The following CAPN11 variants were observed in gnomAD, a reference collection of about 807,000 sequenced individuals.
CAPN11 encodes the protein calpain 11.
In CAPN11, 108 loss-of-function variants were observed where a neutral mutation model predicts 105.3. The observed-to-expected ratio is 1.03, with a 90% confidence interval of 0.88 to 1.20. CAPN11 has a LOEUF of 1.20. Ranked by LOEUF, CAPN11 falls within the 50% of genes most tolerant of loss-of-function variation. The pLI is 0.00. For missense variants in CAPN11, 883 were observed against 924.8 expected (o/e 0.95, Z 0.59); for synonymous variants, 329 against 344.5 (o/e 0.96, Z 0.50).
At position 44,176,158 on chromosome 6, in the gene CAPN11, C is replaced by G; in HGVS notation, c.915+7C>G. On this transcript the variant is annotated splice_region_variant and intron_variant, in intron 8 of 22. Coordinates refer to ENST00000398776, the MANE Select transcript of CAPN11 (RefSeq NM_007058.4). ...TGTGACTGGCCTTCAGGATGTGAGT[C>G]CTGAGAAATGCGCCCTACCCTGAGG... The G allele has an allele frequency of 6.5e-7, 1 of 1,545,046 alleles. No homozygotes were observed. The highest frequency in any genetic ancestry group is 2.3e-5 in the East Asian group (1 of 43,346).
chr6:44,183,343 C>T, intron 21 of CAPN11, 108 bp downstream of exon 21: 1 of 735,818 alleles, frequency 1.4e-6, no homozygotes, highest in East Asian at 2.5e-5. Context: ...CCTTACAAGG[C>T]ACACATGAAA....
intron 10 of CAPN11, 45 bp from the exon 11 acceptor site, chr6:44,176,793 G>A: frequency 1.2e-6 from 2 of 1,608,704 alleles, no homozygotes; most frequent in South Asian, 1.1e-5. Flanking sequence ...GGGAACTGAG[G>A]ATGCAAGTGT....
At chr6:44,176,449 C>T in intron 9 of CAPN11, 111 bp downstream of exon 9, 2 of 1,288,778 alleles carry the variant, frequency 1.6e-6, no homozygotes, top group South Asian at 1.2e-5. Context: ...GGGCAAAGCT[C>T]CTCCCTCTAG....
chr6:44,170,985 G>C (rs181337886), intron 4 of CAPN11, among the ~76,000 whole-genome samples: 1 of 152,288 alleles, frequency 6.6e-6, no homozygotes, highest in African/African-American at 2.4e-5. Context: ...GGTGTGGGCA[G>C]AGCAGAGGCC....
chr6:44,179,699 T>C, intron 13 of CAPN11, 69 bp downstream of exon 13: 1 of 1,532,212 alleles, frequency 6.5e-7, no homozygotes, highest in Non-Finnish European at 9.0e-7. Context: ...TGCAAGTGGA[T>C]TGGCAAAGGG....
At position 44,176,650 on chromosome 6, in the gene CAPN11, G is replaced by A; in HGVS notation, c.1071G>A (p.Glu357=). 1 of 1,600,172 alleles carries A rather than the reference G, an allele frequency of 6.2e-7. No homozygotes were observed. The highest frequency in any genetic ancestry group is 8.5e-7 in the Non-Finnish European group (1 of 1,171,610). The change falls in exon 10 of 23, where the codon GAG becomes GAA. Residue 357 remains glutamate, a synonymous_variant. Transcript: ENST00000398776. ...MQLLHKTEDG[E]FWMSYQDFLN... ...TGCTGCACAAGACGGAGGACGGGGA[G>A]TTCTGGTCAGTGTGGCTTGGGGTGG...
chr6:44,176,177 C>T, intron 8 of CAPN11, 26 bp downstream of exon 8: 1 of 1,406,972 alleles, frequency 7.1e-7, no homozygotes, highest in East Asian at 2.6e-5. Flanking sequence ...TGCGCCCTAC[C>T]CTGAGGACCC....
chr6:44,176,701 G>A (rs1772090099), intron 10 of CAPN11, 46 bp downstream of exon 10: 1 of 1,563,290 alleles, frequency 6.4e-7, no homozygotes, highest in African/African-American at 1.4e-5. Context: ...CCTAGGCCCT[G>A]GTCCTTCATC....
intron 2 of CAPN11, among the ~76,000 whole-genome samples, chr6:44,168,595 T>C (rs1361925375): frequency 2.6e-5 from 4 of 151,776 alleles, no homozygotes; most frequent in Non-Finnish European, 5.9e-5. Flanking sequence ...GACTGTCTTC[T>C]TTCATTTAAA....
At chr6:44,181,386 A>C in intron 19 of CAPN11, 66 bp downstream of exon 19, 1 of 1,395,002 alleles carries the variant, frequency 7.2e-7, no homozygotes, top group Non-Finnish European at 1.0e-6. Context: ...AGATGGAACT[A>C]ATGAGGGGAA....
intron 12 of CAPN11, 24 bp from the exon 13 acceptor site, chr6:44,179,595 C>T: frequency 1.2e-6 from 2 of 1,611,484 alleles, no homozygotes; most frequent in South Asian, 1.1e-5. Flanking sequence ...AGAGATCTGA[C>T]TCTCCTCTTT....
At chr6:44,176,485 G>A in intron 9 of CAPN11, 96 bp from the exon 10 acceptor site, 2 of 1,339,682 alleles carry the variant, frequency 1.5e-6, no homozygotes, top group Non-Finnish European at 1.1e-6. Flanking sequence ...CCGCACCCCA[G>A]CAGGCAGACA....
chr6:44,162,408 CA>C (rs1432134886), intron 1 of CAPN11, among the ~76,000 whole-genome samples: 2 of 148,646 alleles, frequency 1.3e-5, no homozygotes, highest in African/African-American at 5.0e-5. Flanking sequence ...CACACACACA[CA>C]CCTGTAATCA....
chr6:44,178,749 TTAAA>T (rs1357332438), intron 12 of CAPN11, among the ~76,000 whole-genome samples: 22 of 70,284 alleles, frequency 3.1e-4, no homozygotes, highest in African/African-American at 4.8e-4. Context: ...CCTGTCTCGA[TTAAA>T]AAAAAAAAAA....
In CAPN11 at chr6:44,183,208, T is replaced by C. The variant is rs771461277; in HGVS notation, c.2107T>C (p.Cys703Arg). ...CATAGACTTTGACAGCTTCATCAGC[T>C]GTTTCCTGAGGCTAAAGACCATGTT... is the stretch of plus-strand genomic sequence containing the variant. ...LIIDFDSFIS[C>R]FLRLKTMFTF... is the part of the protein sequence containing the mutation. The change falls in exon 21 of 23, where the codon TGT (cysteine) becomes CGT (arginine). Residue 703 changes from cysteine (C) to arginine (R), a missense_variant. Transcript: ENST00000398776. 8.7e-6 allele frequency: 14 copies of C among 1,612,514 alleles called. No homozygotes were observed. In the Admixed American group the frequency reaches 2.2e-4, roughly 25 times the overall value.
At chr6:44,167,214 C>A (rs9462969) in intron 2 of CAPN11, among the ~76,000 whole-genome samples, 1 of 152,002 alleles carries the variant, frequency 6.6e-6, no homozygotes, top group African/African-American at 2.4e-5. Flanking sequence ...AGAGCAGCAT[C>A]TAGGCCGGGC....
chr6:44,179,527 G>C (rs1772769981), intron 12 of CAPN11, 92 bp from the exon 13 acceptor site: 2 of 1,137,798 alleles, frequency 1.8e-6, no homozygotes, highest in Non-Finnish European at 2.7e-6. Flanking sequence ...CACACACACA[G>C]ACACACACTA....
At chr6:44,164,316 T>A (rs1290312471) in intron 1 of CAPN11, among the ~76,000 whole-genome samples, 3 of 152,118 alleles carry the variant, frequency 2.0e-5, no homozygotes, top group Non-Finnish European at 2.9e-5. Flanking sequence ...TATAGTATAT[T>A]GGGGTTGCTG....
chr6:44,183,059 G>C (rs1452342006), intron 20 of CAPN11, 40 bp downstream of exon 20: 1 of 1,596,518 alleles, frequency 6.3e-7, no homozygotes. Flanking sequence ...GCAGGGAAGA[G>C]GATGGCAGTG....
Sources: allele counts gnomAD v4.1 joint callset (sites outside exome capture counted in the v4.1 genomes callset), GRCh38; gene constraint gnomAD v4.1.1; transcripts MANE v1.5; gene names NCBI Gene and HGNC (gene_info 2026-07-23, HGNC 2026-07-21).